The following NFIX variants were observed in gnomAD, a reference collection of about 807,000 sequenced individuals.
NFIX encodes the protein nuclear factor I X.
A neutral mutation model predicts 53.3 loss-of-function variants in NFIX; 2 were observed. That is an observed-to-expected ratio of 0.04 (90% CI 0.02 to 0.12). The LOEUF (loss-of-function observed/expected upper bound fraction) is 0.12, where lower values mean the gene tolerates loss of function less well. NFIX is among the 10% of genes least tolerant of loss of function. The probability of loss-of-function intolerance (pLI) is 1.00; values close to 1 mark genes in which losing one functional copy is unlikely to be tolerated. For synonymous variants in NFIX, 244 were observed against 289.0 expected (o/e 0.84, Z 1.58); for missense variants, 310 against 674.5 (o/e 0.46, Z 5.99).
chr19:13,047,566 TA>T (rs2015066311), intron 2 of NFIX, among the ~76,000 whole-genome samples: 1 of 152,270 alleles, frequency 6.6e-6, no homozygotes, highest in South Asian at 2.1e-4. Flanking sequence ...GTCCAGGAAA[TA>T]AATTCCTCTT....
intron 2 of NFIX, among the ~76,000 whole-genome samples, chr19:13,061,710 C>A (rs935622132): frequency 1.3e-5 from 2 of 152,242 alleles, no homozygotes; most frequent in African/African-American, 4.8e-5. Flanking sequence ...GTCGGAGGAT[C>A]AGTGTCACTT....
At chr19:13,024,642 G>T in intron 1 of NFIX, 4 of 1,536,432 alleles carry the variant, frequency 2.6e-6, no homozygotes, top group Non-Finnish European at 3.5e-6. Flanking sequence ...ACATGGAGAT[G>T]TCATGGGCGC....
intron 2 of NFIX, chr19:13,070,720 G>A (rs1468645895): frequency 6.6e-6 from 1 of 152,408 alleles, no homozygotes; most frequent in Non-Finnish European, 1.5e-5. Flanking sequence ...GCGTGGCAGG[G>A]GCTGCACTCG....
rs1459089998 is a variant in NFIX at position 13,005,630 on chromosome 19, G to T, written c.27+9766G>T. Among the ~76,000 whole-genome samples, 1 of 152,200 alleles carries T rather than the reference G, an allele frequency of 6.6e-6. No individual in the cohort carries two copies. The highest frequency in any genetic ancestry group is 2.1e-4 in the South Asian group (1 of 4,826). On this transcript the variant is annotated intron_variant, in intron 1 of 10. Transcript: ENST00000592199. The surrounding 1 kb of genome is among the most constrained non-coding windows in gnomAD (Gnocchi z 4.7). The stretch of plus-strand genomic sequence containing the variant: ...CTCAGTAGAGGTATCCAGTGCTAGG[G>T]TCAAGGGCGGGGAGCTCTTTCTTCA...
At chr19:13,057,475 A>AG (rs2015778768) in intron 2 of NFIX, among the ~76,000 whole-genome samples, 1 of 151,926 alleles carries the variant, frequency 6.6e-6, no homozygotes, top group Non-Finnish European at 1.5e-5. Context: ...CGAGCTGCAG[A>AG]CTCGGCTTTC....
rs980935044 is a variant in NFIX at position 13,006,431 on chromosome 19, G to A, written c.27+10567G>A. Among the ~76,000 whole-genome samples the A allele has an allele frequency of 6.6e-6, 1 of 152,162 alleles. No individual in the cohort carries two copies. The highest frequency in any genetic ancestry group is 2.4e-5 in the African/African-American group (1 of 41,418). On this transcript the variant is annotated intron_variant, in intron 1 of 10. Coordinates refer to ENST00000592199, the MANE Select transcript of NFIX (RefSeq NM_001365902.3). This position sits in a 1 kb window ranked among gnomAD's most constrained non-coding sequence, Gnocchi z 5.6. ...TCCATATTTGTGGATATGCCATACG[G>A]TGCCCGCCCAAAATCTGGGGACAAG...
chr19:13,062,416 G>A (rs545446957), intron 2 of NFIX, among the ~76,000 whole-genome samples: 15 of 152,176 alleles, frequency 9.9e-5, no homozygotes, highest in Non-Finnish European at 1.2e-4. Flanking sequence ...ATCTAGAAGG[G>A]TCTCTTTGGA....
chr19:12,996,997 C>T lies in NFIX; in HGVS notation c.27+1133C>T, dbSNP rs1044447982. The stretch of plus-strand genomic sequence containing the variant: ...CCAAGCCACAGCTGGTAACAGTCTC[C>T]GAAGAGGGGACATCTAGGGGCTGCT... On this transcript the variant is annotated intron_variant, in intron 1 of 10. Transcript: ENST00000592199. This position sits in a 1 kb window ranked among gnomAD's most constrained non-coding sequence, Gnocchi z 5.2. 4.6e-5 allele frequency among the ~76,000 whole-genome samples: 7 copies of T among 152,244 alleles called. No homozygotes were observed. Among genetic ancestry groups the T allele is most frequent in the South Asian group, 2.1e-4 (1 of 4,834 alleles).
intron 1 of NFIX, chr19:13,024,566 CA>C: frequency 1.3e-6 from 2 of 1,534,276 alleles, no homozygotes; most frequent in Non-Finnish European, 1.7e-6. Context: ...CGTGTGCGTC[CA>C]CGGGCGTCTG....
intron 2 of NFIX, among the ~76,000 whole-genome samples, chr19:13,046,471 C>T (rs753949427): frequency 1.3e-5 from 2 of 152,040 alleles, no homozygotes; most frequent in African/African-American, 2.4e-5. Context: ...GCCTTCCCCC[C>T]CCCTCTTTTT....
intron 2 of NFIX, among the ~76,000 whole-genome samples, chr19:13,057,527 G>A (rs143851771): frequency 2.0e-4 from 30 of 152,194 alleles, no homozygotes; most frequent in Admixed American, 3.9e-4. Context: ...CCCCAGCCTC[G>A]GCTCCCCAGG....
intron 8 of NFIX, among the ~76,000 whole-genome samples, chr19:13,084,668 C>T (rs1039439116): frequency 6.6e-6 from 1 of 152,032 alleles, no homozygotes; most frequent in Non-Finnish European, 1.5e-5. Flanking sequence ...GGAGAAATCA[C>T]AGGGCCCAAT....
rs893305808 is a variant in NFIX, at chr19:13,027,987, C to T, written c.559+2435C>T. 2.0e-5 allele frequency among the ~76,000 whole-genome samples: 3 copies of T among 152,186 alleles called. No individual in the cohort carries two copies. The highest frequency in any genetic ancestry group is 2.9e-5 in the Non-Finnish European group (2 of 68,040). On this transcript the variant is annotated intron_variant, in intron 2 of 10. Coordinates refer to ENST00000592199, the MANE Select transcript of NFIX (RefSeq NM_001365902.3). This position sits in a 1 kb window ranked among gnomAD's most constrained non-coding sequence, Gnocchi z 4.3. ...TGTGCCTTCCTGAAGTGAGTTGAGGCGAGTTGGCGCAGCCCGGGCCACCAG... is the reference window on the plus strand; with the variant it reads ...TGTGCCTTCCTGAAGTGAGTTGAGGTGAGTTGGCGCAGCCCGGGCCACCAG...
rs2011969389 is a variant in NFIX, at chr19:13,005,609, G to A, written c.27+9745G>A. ...TTTATGGATGAAAAACCAAGACTCA[G>A]TAGAGGTATCCAGTGCTAGGGTCAA... On this transcript the variant is annotated intron_variant, in intron 1 of 10. Transcript: ENST00000592199. This position sits in a 1 kb window ranked among gnomAD's most constrained non-coding sequence, Gnocchi z 4.7. Among the ~76,000 whole-genome samples, 1 of 152,216 alleles carries A rather than the reference G, an allele frequency of 6.6e-6. No homozygotes were observed. The highest frequency in any genetic ancestry group is 6.5e-5 in the Admixed American group (1 of 15,284).
At position 13,068,735 on chromosome 19, in the gene NFIX, C is replaced by T. The variant is rs1015055632; in HGVS notation, c.560-4312C>T. ...AGTCCAGTCTTATTGCCTGCTCCTT[C>T]GTAGCCCTCCCTTCCAGAAGCCTGC... On this transcript the variant is annotated intron_variant, in intron 2 of 10. Transcript: ENST00000592199. This position sits in a 1 kb window ranked among gnomAD's most constrained non-coding sequence, Gnocchi z 4.2. Among the ~76,000 whole-genome samples, 3 of 152,246 alleles carry T rather than the reference C, an allele frequency of 2.0e-5. No individual in the cohort carries two copies. The highest frequency in any genetic ancestry group is 2.1e-4 in the South Asian group (1 of 4,838).
In NFIX at chr19:13,073,170, C is replaced by A; in HGVS notation, c.622+61C>A. On this transcript the variant is annotated intron_variant, in intron 3 of 10. Coordinates refer to ENST00000592199, the MANE Select transcript of NFIX (RefSeq NM_001365902.3). This position sits in a 1 kb window ranked among gnomAD's most constrained non-coding sequence, Gnocchi z 4.5. ...TTCATGCCCCTCCACTTCCTTCCCC[C>A]ACCCTGGCTGCCCTGGCCACCCTCA... 3 of 1,531,676 alleles carry A rather than the reference C, an allele frequency of 2.0e-6. No homozygotes were observed. The highest frequency in any genetic ancestry group is 1.1e-5 in the South Asian group (1 of 89,434). The allele number at this position is 1,531,676 out of a possible 1,614,324, so 94.9% of individuals were successfully genotyped here.
In NFIX at chr19:13,068,926, A is replaced by G. The variant is rs569861339; in HGVS notation, c.560-4121A>G. On this transcript the variant is annotated intron_variant, in intron 2 of 10. Transcript: ENST00000592199. The surrounding 1 kb of genome is among the most constrained non-coding windows in gnomAD (Gnocchi z 4.2). Reference sequence around the variant, plus strand: ...TCGAGAATGAGCTGTGGGCTCTGAGATACTCTCCCTCCCCTAGCCTGGCCC... The same window carrying G: ...TCGAGAATGAGCTGTGGGCTCTGAGGTACTCTCCCTCCCCTAGCCTGGCCC... Among the ~76,000 whole-genome samples the G allele has an allele frequency of 2.0e-5, 3 of 152,282 alleles. No individual in the cohort carries two copies. The highest frequency in any genetic ancestry group is 7.2e-5 in the African/African-American group (3 of 41,556).
At position 13,045,286 on chromosome 19, in the gene NFIX, G is replaced by C. The variant is rs939978087; in HGVS notation, c.559+19734G>C. Among the ~76,000 whole-genome samples, 4 of 152,186 alleles carry C rather than the reference G, an allele frequency of 2.6e-5. No homozygotes were observed. Among genetic ancestry groups the C allele is most frequent in the Non-Finnish European group, 5.9e-5 (4 of 68,032 alleles). On this transcript the variant is annotated intron_variant, in intron 2 of 10. Coordinates refer to ENST00000592199, the MANE Select transcript of NFIX (RefSeq NM_001365902.3). The surrounding 1 kb of genome is among the most constrained non-coding windows in gnomAD (Gnocchi z 4.4). ...TAGCATGGGCCCCAGAGCTGTGTGTGATGCATGTGTTCCTGATAGCACAGG... is the reference window on the plus strand; with the variant it reads ...TAGCATGGGCCCCAGAGCTGTGTGTCATGCATGTGTTCCTGATAGCACAGG...
At chr19:13,024,446 G>T in intron 1 of NFIX, 4 of 1,450,916 alleles carry the variant, frequency 2.8e-6, no homozygotes, top group Non-Finnish European at 3.6e-6. Context: ...GGAGAGGGAA[G>T]CCTGATCTGT....
Sources: gnomAD v4.1 joint callset for allele counts (sites outside exome capture counted in the v4.1 genomes callset) on GRCh38, gnomAD v4.1.1 for gene constraint, Gnocchi (gnomAD v3.1) non-coding constraint, MANE v1.5 for transcripts, NCBI Gene and HGNC (gene_info 2026-07-23, HGNC 2026-07-21) for gene names.